The following ANKRD55 variants were observed in gnomAD, a reference collection of about 807,000 sequenced individuals.
The protein encoded by ANKRD55 is ankyrin repeat domain 55, also known as ankyrin repeat domain-containing protein 55.
ANKRD55 carries 41 observed loss-of-function variants against 60.6 expected under a neutral mutation model. The ratio of observed to expected loss-of-function variants is 0.68; its 90% CI spans 0.53 to 0.88. The LOEUF is 0.88. Among genes scored for constraint, ANKRD55 ranks in the 40% least tolerant of loss-of-function variants. The pLI, the probability that ANKRD55 is intolerant of heterozygous loss-of-function variation, is 0.00. For missense variants in ANKRD55, 732 were observed against 767.6 expected (o/e 0.95, Z 0.55); for synonymous variants, 264 against 290.3 (o/e 0.91, Z 0.92).
intron 5 of ANKRD55, among the ~76,000 whole-genome samples, chr5:56,166,587 C>T (rs1482146006): frequency 1.3e-5 from 2 of 151,670 alleles, no homozygotes; most frequent in African/African-American, 2.4e-5. Flanking sequence ...AGATTGTTTT[C>T]AGACAAATAT....
At position 56,183,677 on chromosome 5, in the gene ANKRD55, T is replaced by C. The variant is rs1169110876; in HGVS notation, c.59-43A>G. 2.5e-6 allele frequency: 4 copies of C among 1,602,906 alleles called. 1 individual carries two copies. The South Asian group carries it at 3.3e-5, about 13-fold the overall frequency. The stretch of plus-strand genomic sequence containing the variant: ...ACACAATGTTAGTGTGTGGAGCCAG[T>C]TCACTGAAAGAATAACAATACCCAA... On this transcript the variant is annotated intron_variant, in intron 2 of 11. Transcript: ENST00000341048.
chr5:56,153,181 A>G (rs1405350893), intron 6 of ANKRD55, among the ~76,000 whole-genome samples: 1 of 152,144 alleles, frequency 6.6e-6, no homozygotes, highest in African/African-American at 2.4e-5. Flanking sequence ...CTATGAAATG[A>G]TGTTCATCTC....
intron 2 of ANKRD55, among the ~76,000 whole-genome samples, chr5:56,207,339 C>T (rs1304497438): frequency 6.6e-6 from 1 of 152,230 alleles, no homozygotes; most frequent in Admixed American, 6.5e-5. Flanking sequence ...AAGATTTTAA[C>T]ATTTAACTAC....
At chr5:56,204,150 T>C (rs1035614817) in intron 2 of ANKRD55, among the ~76,000 whole-genome samples, 1 of 152,222 alleles carries the variant, frequency 6.6e-6, no homozygotes, top group African/African-American at 2.4e-5. Flanking sequence ...TCTGTTCATA[T>C]CTTTTGCCCA....
intron 8 of ANKRD55, among the ~76,000 whole-genome samples, chr5:56,122,323 G>T (rs1333308061): frequency 1.3e-5 from 2 of 152,092 alleles, no homozygotes; most frequent in Non-Finnish European, 2.9e-5. Flanking sequence ...AAAAGGTACT[G>T]GACGTTTGAT....
intron 5 of ANKRD55, among the ~76,000 whole-genome samples, chr5:56,161,803 A>G (rs369509863): frequency 7.5e-4 from 114 of 152,356 alleles, no homozygotes; most frequent in African/African-American, 2.7e-3. Flanking sequence ...TAAAGGGACA[A>G]TGGCTATGAC....
intron 6 of ANKRD55, among the ~76,000 whole-genome samples, chr5:56,149,621 G>A (rs184624849): frequency 2.5e-4 from 38 of 152,256 alleles, no homozygotes; most frequent in African/African-American, 8.9e-4. Flanking sequence ...AGACATGGCA[G>A]GTACTGAACA....
chr5:56,173,945 C>T (rs1038226790), intron 4 of ANKRD55, among the ~76,000 whole-genome samples: 18 of 152,070 alleles, frequency 1.2e-4, no homozygotes, highest in African/African-American at 4.3e-4. Context: ...CTAAGTGTCC[C>T]GTTTGCGACA....
chr5:56,119,098 C>A (rs1014813749), intron 8 of ANKRD55, among the ~76,000 whole-genome samples: 1 of 152,178 alleles, frequency 6.6e-6, no homozygotes, highest in African/African-American at 2.4e-5. Context: ...AACTTACATT[C>A]ACAGAAATAA....
chr5:56,220,453 A>C (rs1463988936), intron 2 of ANKRD55, among the ~76,000 whole-genome samples: 1 of 152,078 alleles, frequency 6.6e-6, no homozygotes, highest in African/African-American at 2.4e-5. Context: ...AGGCAGCATC[A>C]CAAAGAAGGG....
At chr5:56,214,204 G>C (rs1049037940) in intron 2 of ANKRD55, among the ~76,000 whole-genome samples, 4 of 152,224 alleles carry the variant, frequency 2.6e-5, no homozygotes, top group African/African-American at 7.2e-5. Flanking sequence ...TTCAAAGTGA[G>C]ATTTGGGTGG....
intron 10 of ANKRD55, among the ~76,000 whole-genome samples, chr5:56,105,903 C>T (rs549393047): frequency 1.3e-5 from 2 of 152,286 alleles, no homozygotes; most frequent in South Asian, 4.1e-4. Flanking sequence ...CTTGTGACGG[C>T]TTATAAATAA....
intron 10 of ANKRD55, among the ~76,000 whole-genome samples, chr5:56,105,111 G>T (rs1212542488): frequency 1.4e-5 from 2 of 146,358 alleles, no homozygotes; most frequent in African/African-American, 5.1e-5. Flanking sequence ...TTTGGAGACA[G>T]TGTCTCACTC....
At chr5:56,195,498 C>T (rs1425662552) in intron 2 of ANKRD55, among the ~76,000 whole-genome samples, 1 of 152,184 alleles carries the variant, frequency 6.6e-6, no homozygotes, top group African/African-American at 2.4e-5. Context: ...GGCTGGAGTG[C>T]AGTGTCGCGA....
chr5:56,228,174 GA>G (rs1760165710), intron 2 of ANKRD55, among the ~76,000 whole-genome samples: 1 of 152,090 alleles, frequency 6.6e-6, no homozygotes, highest in Non-Finnish European at 1.5e-5. Flanking sequence ...TATCTGAAAG[GA>G]TGTGACTAAG....
chr5:56,165,146 A>T (rs1297006011), intron 5 of ANKRD55, among the ~76,000 whole-genome samples: 4 of 152,238 alleles, frequency 2.6e-5, no homozygotes, highest in African/African-American at 9.6e-5. Context: ...AAATCAGTAT[A>T]AAAACCTGAG....
At chr5:56,227,136 C>T (rs891827973) in intron 2 of ANKRD55, among the ~76,000 whole-genome samples, 3 of 152,116 alleles carry the variant, frequency 2.0e-5, no homozygotes, top group African/African-American at 7.2e-5. Flanking sequence ...GGCATGTATA[C>T]ACCATGGAAT....
At chr5:56,215,231 G>A (rs80065962) in intron 2 of ANKRD55, among the ~76,000 whole-genome samples, 6,019 of 152,224 alleles carry the variant, frequency 0.04, 137 homozygotes, top group Middle Eastern at 0.082. Context: ...AGAAGCTTCC[G>A]TGATAAAAGC....
chr5:56,231,461 G>A (rs373461001), intron 2 of ANKRD55, among the ~76,000 whole-genome samples: 17 of 152,090 alleles, frequency 1.1e-4, no homozygotes, highest in African/African-American at 1.9e-4. Context: ...TGTATGTTTC[G>A]TGGCTTAGCA....
Sources: gnomAD v4.1 joint callset for allele counts (sites outside exome capture counted in the v4.1 genomes callset) on GRCh38, gnomAD v4.1.1 for gene constraint, MANE v1.5 for transcripts, NCBI Gene and HGNC (gene_info 2026-07-23, HGNC 2026-07-21) for gene names.